HAUS5: variants seen among roughly 807,000 people sequenced by gnomAD.
The protein encoded by HAUS5 is HAUS augmin like complex subunit 5, also known as HAUS augmin-like complex subunit 5.
In HAUS5, 67 loss-of-function variants were observed where a neutral mutation model predicts 94.1. The observed-to-expected ratio is 0.71, with a 90% CI of 0.58 to 0.87. The LOEUF is 0.87. HAUS5 is among the 40% of genes least tolerant of loss of function. The pLI, the probability that HAUS5 is intolerant of heterozygous loss-of-function variation, is 0.00. For missense variants in HAUS5, 739 were observed against 825.6 expected (o/e 0.90, Z 1.29); for synonymous variants, 339 against 355.4 (o/e 0.95, Z 0.52).
chr19:35,618,701 T>TG lies in HAUS5; in HGVS notation c.1016+8dup, dbSNP rs372164321. ...ACGCGTCCTGGGATCCAGTGAGAGG[T>TG]GGGGGGCTCTCCGAGAAGAGGTCTC... On this transcript the variant is annotated splice_region_variant and intron_variant, in intron 12 of 18. Coordinates refer to ENST00000203166, the MANE Select transcript of HAUS5 (RefSeq NM_015302.2). The TG allele has an allele frequency of 1.3e-5, 20 of 1,580,208 alleles. No individual in the cohort carries two copies. Among genetic ancestry groups the TG allele is most frequent in the South Asian group, 8.0e-5 (7 of 87,808 alleles).
chr19:35,614,184 A>G, intron 4 of HAUS5, 125 bp downstream of exon 4: 1 of 848,504 alleles, frequency 1.2e-6, no homozygotes, highest in South Asian at 1.4e-5. Flanking sequence ...CTTGATCTCC[A>G]TCCTCATAGG....
intron 4 of HAUS5, chr19:35,614,307 C>T: frequency 1.8e-6 from 1 of 568,702 alleles, no homozygotes; most frequent in East Asian, 3.0e-5. Context: ...ATGAGATCAC[C>T]TGAGGGCTCC....
At chr19:35,620,430 T>A in intron 17 of HAUS5, 103 bp downstream of exon 17, 1 of 1,047,084 alleles carries the variant, frequency 9.6e-7, no homozygotes, top group Non-Finnish European at 1.4e-6. Flanking sequence ...CAGTGCCCAT[T>A]GTGTGCTAAG....
rs1188040904 is a variant in HAUS5 at position 35,615,132 on chromosome 19, G to C, written c.310G>C (p.Asp104His). 6.2e-7 allele frequency: 1 copy of C among 1,610,348 alleles called. No individual in the cohort carries two copies. Among genetic ancestry groups the C allele is most frequent in the African/African-American group, 1.3e-5 (1 of 74,864 alleles). ...CCAGAGCCTGGAGCTGATGGAGCGA[G>C]ACACTGAGGCTCAGGGTGAGCCATG... is the stretch of plus-strand genomic sequence containing the variant. ...LDQSLELMERDTEAQDTAMEQ... is the reference protein window; with the variant it reads ...LDQSLELMERHTEAQDTAMEQ... Residue 104 changes from aspartate to histidine, a missense_variant, in exon 5 of 19, where the codon GAC (aspartate) becomes CAC (histidine). Transcript: ENST00000203166.
In HAUS5 at chr19:35,618,118, G is replaced by A; in HGVS notation, c.744G>A (p.Glu248=). The A allele has an allele frequency of 6.2e-7, 1 of 1,609,304 alleles. No homozygotes were observed. Among genetic ancestry groups the A allele is most frequent in the Non-Finnish European group, 8.5e-7 (1 of 1,176,804 alleles). The part of the protein sequence containing the change: ...HPPGHVLAAL[E]HLAAEREAEI... ...CAGGCCACGTCCTGGCTGCCTTGGAGCACCTGGCTGCAGAGCGGGAGGCAG... is the reference window on the plus strand; with the variant it reads ...CAGGCCACGTCCTGGCTGCCTTGGAACACCTGGCTGCAGAGCGGGAGGCAG... Residue 248 remains glutamate (E), a synonymous_variant, in exon 10 of 19, where the codon GAG becomes GAA. Coordinates refer to ENST00000203166, the MANE Select transcript of HAUS5 (RefSeq NM_015302.2).
chr19:35,619,489 C>T lies in HAUS5; in HGVS notation c.1245C>T (p.Cys415=). ...ACTCGGCCAGCAAGACCCGCCTGTGCCGGAGCCCGGGGGAGGTGAGATGGG... is the reference window on the plus strand; with the variant it reads ...ACTCGGCCAGCAAGACCCGCCTGTGTCGGAGCCCGGGGGAGGTGAGATGGG... The part of the protein sequence containing the change: ...KGNSASKTRL[C]RSPGEVLALV... Residue 415 remains cysteine (C), a synonymous_variant, in exon 14 of 19, where the codon TGC becomes TGT. Transcript: ENST00000203166. 2 of 1,609,844 alleles carry T rather than the reference C, an allele frequency of 1.2e-6. No individual in the cohort carries two copies. Among genetic ancestry groups the T allele is most frequent in the Non-Finnish European group, 1.7e-6 (2 of 1,177,824 alleles).
Position 35,615,271 on chromosome 19 carries a change from C to T in HAUS5, c.370C>T (p.Arg124Cys), listed in dbSNP as rs760861854. The change falls in exon 6 of 19, where the codon CGT becomes TGT. Residue 124 changes from arginine to cysteine, a missense_variant. By Grantham distance (180) the Arg-to-Cys change is radical (BLOSUM62 -3). Transcript: ENST00000203166. ...QARQHTQDTQRRALLLRAQAG... is the reference protein window; with the variant it reads ...QARQHTQDTQCRALLLRAQAG... ...ACGTCAGCACACTCAAGACACCCAG[C>T]GTCGAGCTCTCCTCCTCCGGGCCCA... is the stretch of plus-strand genomic sequence containing the variant. 2.5e-5 allele frequency: 40 copies of T among 1,613,900 alleles called. No homozygotes were observed. In the Middle Eastern group the frequency reaches 1.2e-3, roughly 46 times the overall value.
Position 35,618,905 on chromosome 19 carries a change from G to T in HAUS5, c.1035G>T (p.Gly345=). The T allele has an allele frequency of 6.2e-7, 1 of 1,608,952 alleles. No homozygotes were observed. Among genetic ancestry groups the T allele is most frequent in the East Asian group, 2.2e-5 (1 of 44,826 alleles). Residue 345 remains glycine, a synonymous_variant, in exon 13 of 19, where the codon GGG becomes GGT. Coordinates refer to ENST00000203166, the MANE Select transcript of HAUS5 (RefSeq NM_015302.2). ...CCTGCAGGCAGGTGCTGATACTGGG[G>T]CTTCGGCGCTGTTGCCTGTGGACGG... ...GSSERQVLIL[G]LRRCCLWTEL...
In HAUS5 at chr19:35,615,261, A is replaced by G. The variant is rs1297010055; in HGVS notation, c.360A>G (p.Gln120=). The G allele has an allele frequency of 6.2e-7, 1 of 1,614,094 alleles. No individual in the cohort carries two copies. The highest frequency in any genetic ancestry group is 1.1e-5 in the South Asian group (1 of 91,074). ...TAMEQARQHT[Q]DTQRRALLLR... ...TGGAGCAGGCACGTCAGCACACTCAAGACACCCAGCGTCGAGCTCTCCTCC... is the reference window on the plus strand; with the variant it reads ...TGGAGCAGGCACGTCAGCACACTCAGGACACCCAGCGTCGAGCTCTCCTCC... The change falls in exon 6 of 19, where the codon CAA becomes CAG. Residue 120 remains glutamine, a synonymous_variant. Transcript: ENST00000203166.
At chr19:35,618,247 C>T (rs2146338114) in intron 10 of HAUS5, 52 bp downstream of exon 10, 1 of 1,596,630 alleles carries the variant, frequency 6.3e-7, no homozygotes, top group South Asian at 1.1e-5. Context: ...AGTGGGTGAG[C>T]TGGGACAGCC....
At chr19:35,622,791 C>T in intron 18 of HAUS5, 58 bp downstream of exon 18, 2 of 1,610,544 alleles carry the variant, frequency 1.2e-6, no homozygotes, top group African/African-American at 1.3e-5. Flanking sequence ...AAGCTGGGGG[C>T]CTGATGAGAA....
chr19:35,622,796 T>A lies in HAUS5; in HGVS notation c.1784+63T>A, dbSNP rs1039436092. 3 of 1,609,886 alleles carry A rather than the reference T, an allele frequency of 1.9e-6. No individual in the cohort carries two copies. In the African/African-American group the frequency reaches 4.0e-5, roughly 22 times the overall value. On this transcript the variant is annotated intron_variant, in intron 18 of 18. Transcript: ENST00000203166. ...GTCAGGACTCAAGCTGGGGGCCTGATGAGAAGGAGCAGGCCATGGTTTTGC... is the reference window on the plus strand; with the variant it reads ...GTCAGGACTCAAGCTGGGGGCCTGAAGAGAAGGAGCAGGCCATGGTTTTGC...
Position 35,612,783 on chromosome 19 carries a change from C to G in HAUS5, c.-12C>G, listed in dbSNP as rs923673362. The G allele has an allele frequency of 3.9e-6, 6 of 1,540,826 alleles. No homozygotes were observed. Among genetic ancestry groups the G allele is most frequent in the Middle Eastern group, 1.8e-4 (1 of 5,452 alleles). ...AGGCTGAGGGAGGCGGTGTCGCCGC[C>G]GCGGCGCTGTCATGGAGCTAGCGCA... On this transcript the variant is annotated 5_prime_UTR_variant, in exon 1 of 19. Coordinates refer to ENST00000203166, the MANE Select transcript of HAUS5 (RefSeq NM_015302.2).
chr19:35,622,586 C>T lies in HAUS5; in HGVS notation c.1652-15C>T, dbSNP rs572352418. 1.2e-6 allele frequency: 2 copies of T among 1,611,756 alleles called. No individual in the cohort carries two copies. The highest frequency in any genetic ancestry group is 1.3e-5 in the African/African-American group (1 of 74,800). The stretch of plus-strand genomic sequence containing the variant: ...CAGAGGACTCAAAGCTGCCTCCTGG[C>T]TTTCTCACCCTCAGAGCTGCTGCAG... On this transcript the variant is annotated splice_polypyrimidine_tract_variant and intron_variant, in intron 17 of 18. Coordinates refer to ENST00000203166, the MANE Select transcript of HAUS5 (RefSeq NM_015302.2).
chr19:35,622,729 G>A lies in HAUS5; in HGVS notation c.1780G>A (p.Asp594Asn), dbSNP rs769198327. 1 of 1,613,964 alleles carries A rather than the reference G, an allele frequency of 6.2e-7. No individual in the cohort carries two copies. The highest frequency in any genetic ancestry group is 8.5e-7 in the Non-Finnish European group (1 of 1,179,890). Residue 594 changes from aspartate (D) to asparagine (N), a missense_variant, in exon 18 of 19, where the codon GAC (aspartate) becomes AAC (asparagine). By Grantham distance (23) the Asp-to-Asn change is conservative (BLOSUM62 1). Coordinates refer to ENST00000203166, the MANE Select transcript of HAUS5 (RefSeq NM_015302.2). Reference protein sequence around the residue: ...RIPELQGIVGDWWEQPGQAAL... With the variant: ...RIPELQGIVGNWWEQPGQAAL... Reference sequence around the variant, plus strand: ...CCCTGAGCTGCAGGGGATCGTGGGGGACTGGTGAGAGGGGAACGTGCCGCG... The same window carrying A: ...CCCTGAGCTGCAGGGGATCGTGGGGAACTGGTGAGAGGGGAACGTGCCGCG...
At position 35,622,954 on chromosome 19, in the gene HAUS5, G is replaced by C. The variant is rs1255210653; in HGVS notation, c.1863G>C (p.Trp621Cys). Residue 621 changes from tryptophan (W) to cysteine (C), a missense_variant, in exon 19 of 19, where the codon TGG becomes TGC. Transcript: ENST00000203166. ...GLSLPQWRLR[W>C]VQAQGALQKL... ...CCCTGCCCCAGTGGCGGCTGCGCTGGGTTCAGGCCCAGGGGGCCCTGCAGA... is the reference window on the plus strand; with the variant it reads ...CCCTGCCCCAGTGGCGGCTGCGCTGCGTTCAGGCCCAGGGGGCCCTGCAGA... 2 of 1,613,542 alleles carry C rather than the reference G, an allele frequency of 1.2e-6. No individual in the cohort carries two copies. The highest frequency in any genetic ancestry group is 8.5e-7 in the Non-Finnish European group (1 of 1,179,874).
Position 35,620,131 on chromosome 19 carries a change from CCCGTCT to C in HAUS5, c.1518+11_1518+16del, listed in dbSNP as rs752277242. On this transcript the variant is annotated intron_variant, in intron 16 of 18. Coordinates refer to ENST00000203166, the MANE Select transcript of HAUS5 (RefSeq NM_015302.2). ...GGGCTGCCTCCAGGGAAGGTGAGTGCCCGTCTCCTGTGACTTGTCTCCCCAGCCCCG... is the reference window on the plus strand; with the variant it reads ...GGGCTGCCTCCAGGGAAGGTGAGTGCCCTGTGACTTGTCTCCCCAGCCCCG... 6.2e-7 allele frequency: 1 copy of C among 1,613,202 alleles called. No homozygotes were observed. The highest frequency in any genetic ancestry group is 8.5e-7 in the Non-Finnish European group (1 of 1,179,304).
At position 35,624,967 on chromosome 19, in the gene HAUS5, T is replaced by C. The variant is rs1417436710; in HGVS notation, c.*1974T>C. 1 of 152,330 alleles carries C rather than the reference T, an allele frequency of 6.6e-6. No individual in the cohort carries two copies. Among genetic ancestry groups the C allele is most frequent in the Non-Finnish European group, 1.5e-5 (1 of 68,128 alleles). 9.4% of individuals were successfully genotyped at this position (152,330 alleles called of 1,614,324 possible). On this transcript the variant is annotated 3_prime_UTR_variant, in exon 19 of 19. Coordinates refer to ENST00000203166, the MANE Select transcript of HAUS5 (RefSeq NM_015302.2). ...ACTCTCCCAGCTTTCCTCCTGCCCC[T>C]GGCTGCTGTTTCCCAGCCTTTCCAC...
At position 35,619,414 on chromosome 19, in the gene HAUS5, G is replaced by T. The variant is rs199508050; in HGVS notation, c.1180-10G>T. 21,177 of 1,573,692 alleles carry T rather than the reference G, an allele frequency of 0.013. 192 individuals carry two copies. The highest frequency in any genetic ancestry group is 0.017 in the Non-Finnish European group (19,463 of 1,156,228). On this transcript the variant is annotated splice_polypyrimidine_tract_variant and intron_variant, in intron 13 of 18. Transcript: ENST00000203166. Reference sequence around the variant, plus strand: ...GGAGGAGTGGGTCTCAGGGTATCCTGGTTCCTCAGGAGGAGACCCAGGAAC... The same window carrying T: ...GGAGGAGTGGGTCTCAGGGTATCCTTGTTCCTCAGGAGGAGACCCAGGAAC...
Sources: allele counts gnomAD v4.1 joint callset, GRCh38; gene constraint gnomAD v4.1.1; transcripts MANE v1.5; gene names NCBI Gene and HGNC (gene_info 2026-07-23, HGNC 2026-07-21).